Variants in GNB1L observed in about 807,000 individuals in gnomAD.
The protein encoded by GNB1L is G protein subunit beta 1 like, also known as guanine nucleotide-binding protein subunit beta-like protein 1.
GNB1L carries 20 observed loss-of-function variants against 29.1 expected under a neutral mutation model. The observed-to-expected ratio is 0.69, with a 90% confidence interval of 0.48 to 1.00. The LOEUF (loss-of-function observed/expected upper bound fraction) is 1.00, where lower values mean the gene tolerates loss of function less well. Ranked by LOEUF, GNB1L falls within the 50% of genes least tolerant of loss-of-function variation. The probability of loss-of-function intolerance (pLI) is 0.00; values close to 1 mark genes in which losing one functional copy is unlikely to be tolerated. For missense variants in GNB1L, 421 were observed against 464.9 expected (o/e 0.91, Z 0.87); for synonymous variants, 193 against 206.5 (o/e 0.93, Z 0.56).
chr22:19,846,691 G>T, intron 2 of GNB1L: 1 of 408,380 alleles, frequency 2.4e-6, no homozygotes. Context: ...TCATGAGGGT[G>T]GGCCCTGATC....
rs1405429336 is a variant in GNB1L at position 19,788,337 on chromosome 22, C to T, written c.*372G>A. On this transcript the variant is annotated 3_prime_UTR_variant, in exon 8 of 8. Transcript: ENST00000329517. ...GTGAGGGTGGGGCTGAGCATCCTGCCTGGTGGGGGTCTGAGGGCACTGATG... is the reference window on the plus strand; with the variant it reads ...GTGAGGGTGGGGCTGAGCATCCTGCTTGGTGGGGGTCTGAGGGCACTGATG... 5.4e-6 allele frequency: 3 copies of T among 559,662 alleles called. No individual in the cohort carries two copies. The Admixed American group carries it at 1.0e-4, about 19-fold the overall frequency. 34.7% of individuals were successfully genotyped at this position (559,662 alleles called of 1,614,324 possible). A position where few individuals can be genotyped will look rare whatever the true frequency, so the allele number is the denominator to read the frequency against.
chr22:19,808,258 A>T (rs994917725), intron 5 of GNB1L, among the ~76,000 whole-genome samples: 2 of 152,210 alleles, frequency 1.3e-5, no homozygotes, highest in African/African-American at 2.4e-5. Context: ...ACACACCTGC[A>T]CACACAAATA....
intron 7 of GNB1L, among the ~76,000 whole-genome samples, chr22:19,796,802 C>T (rs1437201297): frequency 1.3e-5 from 2 of 152,090 alleles, no homozygotes; most frequent in East Asian, 1.9e-4. Flanking sequence ...TGCACCTGAC[C>T]CCAGGCAGGG....
chr22:19,837,257 C>T (rs535554033), intron 2 of GNB1L, among the ~76,000 whole-genome samples: 12 of 152,270 alleles, frequency 7.9e-5, no homozygotes, highest in South Asian at 4.2e-4. Flanking sequence ...TGAGCCACCA[C>T]GCCCGGCCTG....
At chr22:19,832,867 C>T (rs1396065555) in intron 2 of GNB1L, among the ~76,000 whole-genome samples, 4 of 152,212 alleles carry the variant, frequency 2.6e-5, no homozygotes, top group Non-Finnish European at 5.9e-5. Flanking sequence ...CAAAGCAGCA[C>T]CAGCTGTAAG....
chr22:19,793,159 A>T (rs2145861054), intron 7 of GNB1L: 1 of 1,029,592 alleles, frequency 9.7e-7, no homozygotes, highest in Admixed American at 2.4e-5. Context: ...CCTTCAAAAA[A>T]AAAATGAAAG....
intron 7 of GNB1L, among the ~76,000 whole-genome samples, chr22:19,790,558 T>C (rs1316392074): frequency 1.3e-5 from 2 of 152,174 alleles, no homozygotes; most frequent in Non-Finnish European, 2.9e-5. Context: ...ATGCTTGTAA[T>C]CCCAGCTGCT....
At chr22:19,832,480 G>A (rs1937696632) in intron 2 of GNB1L, among the ~76,000 whole-genome samples, 1 of 152,338 alleles carries the variant, frequency 6.6e-6, no homozygotes, top group Non-Finnish European at 1.5e-5. Context: ...TTGGGGTGCT[G>A]CCCTACAGTT....
intron 5 of GNB1L, among the ~76,000 whole-genome samples, chr22:19,810,339 G>A (rs1474810469): frequency 6.6e-6 from 1 of 152,224 alleles, no homozygotes; most frequent in African/African-American, 2.4e-5. Context: ...GGACATCAAG[G>A]GCAAAGGACT....
chr22:19,817,775 T>C (rs1362442879), intron 4 of GNB1L, among the ~76,000 whole-genome samples: 2 of 152,210 alleles, frequency 1.3e-5, no homozygotes, highest in East Asian at 3.9e-4. Context: ...TCGGGGGCCC[T>C]GCGCTCTACT....
At chr22:19,838,698 A>G (rs1031455100) in intron 2 of GNB1L, among the ~76,000 whole-genome samples, 13 of 152,242 alleles carry the variant, frequency 8.5e-5, no homozygotes, top group Admixed American at 7.2e-4. Context: ...TGACCTCATG[A>G]TCCACCCGCC....
Position 19,851,617 on chromosome 22 carries a change from G to A in GNB1L, c.-21+2826C>T, listed in dbSNP as rs755930384. On this transcript the variant is annotated intron_variant, in intron 2 of 7. Transcript: ENST00000329517. ...CCAGGCCCTCTAAGAACCTAGCTAA[G>A]TATTGCCTCACCACAGGCAGCTGAG... 5 of 1,595,596 alleles carry A rather than the reference G, an allele frequency of 3.1e-6. No individual in the cohort carries two copies. The African/African-American group carries it at 4.0e-5, about 13-fold the overall frequency.
intron 2 of GNB1L, among the ~76,000 whole-genome samples, chr22:19,828,064 CA>C (rs1937633741): frequency 1.3e-5 from 2 of 152,124 alleles, no homozygotes; most frequent in South Asian, 4.1e-4. Context: ...TGAAGGGAGT[CA>C]AAACTGAAGA....
intron 2 of GNB1L, chr22:19,850,714 G>A (rs555515483): frequency 1.9e-4 from 240 of 1,236,108 alleles, no homozygotes; most frequent in Non-Finnish European, 2.3e-4. Flanking sequence ...GTGGGGCTAG[G>A]GGGACAGACA....
intron 2 of GNB1L, among the ~76,000 whole-genome samples, chr22:19,838,404 A>G (rs1937801344): frequency 6.6e-6 from 1 of 152,216 alleles, no homozygotes; most frequent in African/African-American, 2.4e-5. Flanking sequence ...TTGTTGGTGA[A>G]ATGCAAAATG....
At chr22:19,791,224 C>G (rs1382795008) in intron 7 of GNB1L, among the ~76,000 whole-genome samples, 1 of 152,202 alleles carries the variant, frequency 6.6e-6, no homozygotes, top group African/African-American at 2.4e-5. Context: ...CAGAGCAAGA[C>G]CTTGTGCTCC....
chr22:19,848,537 C>T (rs778087326), intron 2 of GNB1L: 11 of 985,552 alleles, frequency 1.1e-5, no homozygotes, highest in Non-Finnish European at 1.3e-5. Flanking sequence ...TCGTTGCCTC[C>T]ACCCTACCTG....
rs1052093695 is a variant in GNB1L at position 19,788,304 on chromosome 22, C to T, written c.*405G>A. The T allele has an allele frequency of 2.0e-6, 1 of 510,016 alleles. No homozygotes were observed. The highest frequency in any genetic ancestry group is 1.9e-5 in the African/African-American group (1 of 52,134). The allele number at this position is 510,016 out of a possible 1,614,324, so 31.6% of individuals were successfully genotyped here. A position where few individuals can be genotyped will look rare whatever the true frequency, so the allele number is the denominator to read the frequency against. ...CCCACACTCGGGGTGGCCCATTCAACAGCAGGTGTGAGGGTGGGGCTGAGC... is the reference window on the plus strand; with the variant it reads ...CCCACACTCGGGGTGGCCCATTCAATAGCAGGTGTGAGGGTGGGGCTGAGC... On this transcript the variant is annotated 3_prime_UTR_variant, in exon 8 of 8. Transcript: ENST00000329517.
chr22:19,824,237 C>A (rs965392824), intron 2 of GNB1L, among the ~76,000 whole-genome samples: 2 of 152,204 alleles, frequency 1.3e-5, no homozygotes, highest in South Asian at 2.1e-4. Flanking sequence ...TGACAATATC[C>A]TAGGATTGCT....
Sources: gnomAD v4.1 joint callset for allele counts (sites outside exome capture counted in the v4.1 genomes callset) on GRCh38, gnomAD v4.1.1 for gene constraint, MANE v1.5 for transcripts, NCBI Gene and HGNC (gene_info 2026-07-23, HGNC 2026-07-21) for gene names.